Variants in SORCS3 observed in about 807,000 individuals in gnomAD.
SORCS3 encodes the protein VPS10 domain-containing receptor SorCS3.
Under a neutral mutation model 146.3 loss-of-function variants are expected in SORCS3, and 57 were observed. The observed-to-expected ratio is 0.39, with a 90% CI of 0.31 to 0.49. SORCS3 has a LOEUF of 0.49. Among genes scored for constraint, SORCS3 ranks in the 20% least tolerant of loss-of-function variants. The probability of loss-of-function intolerance (pLI) is 0.92; values close to 1 mark genes in which losing one functional copy is unlikely to be tolerated. For synonymous variants in SORCS3, 653 were observed against 618.5 expected, an observed-to-expected ratio of 1.06 and a Z score of -0.83; for missense variants, 1,341 against 1,575.5, an observed-to-expected ratio of 0.85 and a Z score of 2.52.
At chr10:105,252,058 T>C (rs2056902409) in intron 22 of SORCS3, among the ~76,000 whole-genome samples, 1 of 152,226 alleles carries the variant, frequency 6.6e-6, no homozygotes, top group Non-Finnish European at 1.5e-5. Context: ...TTTTTTTGAA[T>C]ACTGGAGGTT....
chr10:105,177,060 A>G (rs2056410479), intron 13 of SORCS3, among the ~76,000 whole-genome samples: 1 of 151,940 alleles, frequency 6.6e-6, no homozygotes, highest in South Asian at 2.1e-4. Flanking sequence ...TTTCAATGAT[A>G]AGACATACAT....
chr10:105,040,489 C>T (rs541546661), intron 4 of SORCS3, among the ~76,000 whole-genome samples: 4 of 152,248 alleles, frequency 2.6e-5, no homozygotes, highest in Admixed American at 1.3e-4. Context: ...ACATATTTTT[C>T]CAGGAGGTCT....
chr10:105,235,436 CTGTGTGTGTGTG>C (rs5787570), intron 20 of SORCS3, among the ~76,000 whole-genome samples: 16 of 141,294 alleles, frequency 1.1e-4, no homozygotes, highest in South Asian at 4.6e-4. Context: ...AACTCTCAGA[CTGTGTGTGTGTG>C]TGTGTGTGTG....
chr10:104,687,601 G>A (rs900778585), intron 1 of SORCS3, among the ~76,000 whole-genome samples: 2 of 152,078 alleles, frequency 1.3e-5, no homozygotes, highest in Non-Finnish European at 2.9e-5. Flanking sequence ...AGTGTGAGTG[G>A]GTACCATGCA....
At chr10:104,731,116 C>T (rs2016701397) in intron 1 of SORCS3, among the ~76,000 whole-genome samples, 1 of 152,186 alleles carries the variant, frequency 6.6e-6, no homozygotes, top group Non-Finnish European at 1.5e-5. Flanking sequence ...GAGCCAGAAT[C>T]TGTCTGGTTG....
chr10:105,020,865 T>C (rs2055193892), intron 4 of SORCS3, among the ~76,000 whole-genome samples: 1 of 152,196 alleles, frequency 6.6e-6, no homozygotes, highest in Admixed American at 6.5e-5. Flanking sequence ...GCCAGAAAGA[T>C]TTCCCTTCCT....
intron 5 of SORCS3, among the ~76,000 whole-genome samples, chr10:105,063,334 C>T (rs542707726): frequency 6.6e-6 from 1 of 152,166 alleles, no homozygotes; most frequent in African/African-American, 2.4e-5. Context: ...AGTTAAAACA[C>T]TCTCATTTTA....
intron 2 of SORCS3, among the ~76,000 whole-genome samples, chr10:104,867,298 C>T (rs1449039638): frequency 6.6e-6 from 1 of 151,662 alleles, no homozygotes; most frequent in Admixed American, 6.6e-5. Flanking sequence ...AAGTGAAATT[C>T]CCAGTGTACA....
chr10:104,718,683 A>G (rs2016508397), intron 1 of SORCS3, among the ~76,000 whole-genome samples: 1 of 152,134 alleles, frequency 6.6e-6, no homozygotes, highest in Non-Finnish European at 1.5e-5. Flanking sequence ...TGCTTTGAGG[A>G]ATTAGGTGTG....
intron 7 of SORCS3, among the ~76,000 whole-genome samples, chr10:105,108,324 A>G (rs1021051538): frequency 2.6e-5 from 4 of 152,156 alleles, no homozygotes; most frequent in African/African-American, 9.7e-5. Flanking sequence ...GGGGTTCGTC[A>G]TGGAGCAGTT....
chr10:104,925,454 C>G (rs1309815692), intron 3 of SORCS3, among the ~76,000 whole-genome samples: 1 of 152,212 alleles, frequency 6.6e-6, no homozygotes, highest in Non-Finnish European at 1.5e-5. Flanking sequence ...AAACCATGCT[C>G]CAAGCCCATC....
At chr10:105,028,811 G>A (rs2055246747) in intron 4 of SORCS3, among the ~76,000 whole-genome samples, 1 of 152,088 alleles carries the variant, frequency 6.6e-6, no homozygotes, top group African/African-American at 2.4e-5. Flanking sequence ...GGTGTTAGAG[G>A]TCAAAGAGAT....
At chr10:104,920,587 A>G (rs1304090690) in intron 3 of SORCS3, among the ~76,000 whole-genome samples, 3 of 152,322 alleles carry the variant, frequency 2.0e-5, no homozygotes, top group Non-Finnish European at 2.9e-5. Context: ...CCCCAAGACT[A>G]TATTGCTATA....
intron 1 of SORCS3, among the ~76,000 whole-genome samples, chr10:104,798,186 G>C (rs2491392): frequency 0.76 from 115,828 of 152,142 alleles, 44,457 homozygotes; most frequent in East Asian, 0.92. Context: ...ATTAGGAAAG[G>C]TGGGAGCTCT....
intron 1 of SORCS3, among the ~76,000 whole-genome samples, chr10:104,723,780 A>C (rs2016583549): frequency 6.6e-6 from 1 of 152,074 alleles, no homozygotes; most frequent in African/African-American, 2.4e-5. Context: ...CTGTTTTATC[A>C]GAGACTAGGA....
chr10:104,645,070 T>C, intron 1 of SORCS3, among the ~76,000 whole-genome samples: 1 of 151,962 alleles, frequency 6.6e-6, no homozygotes, highest in Admixed American at 6.6e-5. Context: ...GGAGAAGGAG[T>C]GCAACTGGCT....
At chr10:105,036,238 C>T (rs2055305294) in intron 4 of SORCS3, among the ~76,000 whole-genome samples, 1 of 152,064 alleles carries the variant, frequency 6.6e-6, no homozygotes, top group South Asian at 2.1e-4. Flanking sequence ...CATCATGACT[C>T]AGCTTATGGA....
chr10:105,004,736 G>C (rs1177500271), intron 4 of SORCS3, among the ~76,000 whole-genome samples: 1 of 151,142 alleles, frequency 6.6e-6, no homozygotes, highest in African/African-American at 2.4e-5. Context: ...TTTGGGGTGA[G>C]GGCAAATGGA....
At chr10:104,717,022 GC>G (rs975389458) in intron 1 of SORCS3, among the ~76,000 whole-genome samples, 4 of 152,202 alleles carry the variant, frequency 2.6e-5, no homozygotes, top group Admixed American at 2.6e-4. Flanking sequence ...AGGCACAGTG[GC>G]TCATGCCTGT....
Sources: allele counts gnomAD v4.1 joint callset (sites outside exome capture counted in the v4.1 genomes callset), GRCh38; gene constraint gnomAD v4.1.1; transcripts MANE v1.5; gene names NCBI Gene and HGNC (gene_info 2026-07-23, HGNC 2026-07-21).